APPBP2: variants seen among roughly 807,000 people sequenced by gnomAD.
The protein encoded by APPBP2 is amyloid protein-binding protein 2.
A neutral mutation model predicts 76.0 loss-of-function variants in APPBP2; 15 were observed. That is an observed-to-expected ratio of 0.20 (90% CI 0.13 to 0.30). The LOEUF (loss-of-function observed/expected upper bound fraction) is 0.30, where lower values mean the gene tolerates loss of function less well. Among genes scored for constraint, APPBP2 ranks in the 10% least tolerant of loss-of-function variants. APPBP2 has a pLI of 1.00. For synonymous variants in APPBP2, 222 were observed against 242.2 expected, an observed-to-expected ratio of 0.92 and a Z score of 0.77; for missense variants, 401 against 687.2, an observed-to-expected ratio of 0.58 and a Z score of 4.66.
At chr17:60,494,357 C>T in intron 3 of APPBP2, 109 bp downstream of exon 3, 1 of 1,236,100 alleles carries the variant, frequency 8.1e-7, no homozygotes, top group Non-Finnish European at 1.1e-6. Flanking sequence ...ATGTTCTTCT[C>T]ATAACCTTCT....
chr17:60,510,924 C>T (rs1316450736), intron 1 of APPBP2, among the ~76,000 whole-genome samples: 1 of 150,638 alleles, frequency 6.6e-6, no homozygotes, highest in African/African-American at 2.5e-5. Context: ...GTCACTAGGT[C>T]AATCATCCAT....
chr17:60,489,255 C>A (rs2090706640), intron 3 of APPBP2, among the ~76,000 whole-genome samples: 1 of 150,538 alleles, frequency 6.6e-6, no homozygotes, highest in African/African-American at 2.4e-5. Context: ...GGGTCCTTTT[C>A]AAAAAAATAT....
At chr17:60,462,231 T>C (rs910452974) in intron 6 of APPBP2, 170 bp from the exon 7 acceptor site, 1 of 614,240 alleles carries the variant, frequency 1.6e-6, no homozygotes, top group African/African-American at 1.9e-5. Flanking sequence ...AAAAATTCTA[T>C]TATAAACAGA....
chr17:60,454,311 T>C lies in APPBP2; in HGVS notation c.1329A>G (p.Arg443=). The C allele has an allele frequency of 3.9e-6, 6 of 1,557,932 alleles. No homozygotes were observed. Among genetic ancestry groups the C allele is most frequent in the Non-Finnish European group, 3.5e-6 (4 of 1,155,518 alleles). The part of the protein sequence containing the change: ...GNLGRLYQSM[R]KFKEAEEMHI... ...AAAAACATGTTTCTACCTTAAATTT[T>C]CTCATTGACTGATAAAGTCTTCCAA... Residue 443 remains arginine, a synonymous_variant, in exon 11 of 13, where the codon AGA becomes AGG. Coordinates refer to ENST00000083182, the MANE Select transcript of APPBP2 (RefSeq NM_006380.5).
Position 60,443,973 on chromosome 17 carries a change from A to T in APPBP2, c.*3608T>A, listed in dbSNP as rs1212786746. 1 of 152,310 alleles carries T rather than the reference A, an allele frequency of 6.6e-6. No individual in the cohort carries two copies. Among genetic ancestry groups the T allele is most frequent in the Non-Finnish European group, 1.5e-5 (1 of 67,998 alleles). 9.4% of individuals were successfully genotyped at this position (152,310 alleles called of 1,614,324 possible). A position where few individuals can be genotyped will look rare whatever the true frequency, so the allele number is the denominator to read the frequency against. ...TCCAAATGTCATATTAACAACAAAAAATTTCCTAGCCAGGCGTGGTGGCAG... is the reference window on the plus strand; with the variant it reads ...TCCAAATGTCATATTAACAACAAAATATTTCCTAGCCAGGCGTGGTGGCAG... On this transcript the variant is annotated 3_prime_UTR_variant, in exon 13 of 13. Transcript: ENST00000083182.
chr17:60,523,834 T>C (rs900035403), intron 1 of APPBP2, among the ~76,000 whole-genome samples: 5 of 152,156 alleles, frequency 3.3e-5, no homozygotes, highest in African/African-American at 1.2e-4. Flanking sequence ...GATATCTAAG[T>C]AAAAGAGCAA....
intron 10 of APPBP2, 57 bp from the exon 11 acceptor site, chr17:60,454,549 G>T: frequency 8.7e-7 from 1 of 1,149,078 alleles, no homozygotes; most frequent in Non-Finnish European, 1.2e-6. Context: ...AAGCTAGTAA[G>T]AACATCTAAT....
At chr17:60,495,431 A>T (rs1465343105) in intron 2 of APPBP2, among the ~76,000 whole-genome samples, 2 of 123,436 alleles carry the variant, frequency 1.6e-5, no homozygotes, top group African/African-American at 8.8e-5. Flanking sequence ...AAAATATTTT[A>T]TTTATTTATT....
Position 60,446,834 on chromosome 17 carries a change from T to C in APPBP2, c.*747A>G, listed in dbSNP as rs888709494. ...AATAATCTAAAGCCTCTGGTCCAAG[T>C]AACCACCTTCTACATTAGGCTGGTC... On this transcript the variant is annotated 3_prime_UTR_variant, in exon 13 of 13. Transcript: ENST00000083182. 1 of 152,292 alleles carries C rather than the reference T, an allele frequency of 6.6e-6. No homozygotes were observed. The highest frequency in any genetic ancestry group is 2.4e-5 in the African/African-American group (1 of 41,556). The allele number at this position is 152,292 out of a possible 1,614,324, so 9.4% of individuals were successfully genotyped here.
intron 2 of APPBP2, among the ~76,000 whole-genome samples, chr17:60,499,332 C>CAA (rs879508554): frequency 0.011 from 1,366 of 127,014 alleles, 15 homozygotes; most frequent in African/African-American, 0.035. Flanking sequence ...GACTGTGTCT[C>CAA]AAAAAAAAAA....
intron 3 of APPBP2, among the ~76,000 whole-genome samples, chr17:60,487,090 T>TG (rs2090685662): frequency 6.6e-6 from 1 of 152,220 alleles, no homozygotes; most frequent in South Asian, 2.1e-4. Context: ...GTTCCCTTTG[T>TG]GGGTAACCTG....
intron 1 of APPBP2, 87 bp downstream of exon 1, chr17:60,525,707 G>A (rs2091047925): frequency 6.9e-6 from 11 of 1,585,808 alleles, no homozygotes; most frequent in South Asian, 5.8e-5. Flanking sequence ...GGGGTGAGGG[G>A]TTAACTGCGG....
chr17:60,498,025 A>G (rs1482287103), intron 2 of APPBP2, among the ~76,000 whole-genome samples: 2 of 151,934 alleles, frequency 1.3e-5, no homozygotes, highest in African/African-American at 4.8e-5. Context: ...CTGTATTCCC[A>G]GCTACTTGGG....
chr17:60,489,159 T>A (rs1271183464), intron 3 of APPBP2, among the ~76,000 whole-genome samples: 1 of 150,028 alleles, frequency 6.7e-6, no homozygotes, highest in Non-Finnish European at 1.5e-5. Context: ...GAGGAGGAGG[T>A]TGCAGTGAGC....
At chr17:60,450,917 G>A (rs1267682380) in intron 12 of APPBP2, among the ~76,000 whole-genome samples, 1 of 152,110 alleles carries the variant, frequency 6.6e-6, no homozygotes, top group Non-Finnish European at 1.5e-5. Flanking sequence ...ATCATATAAA[G>A]AACTTCTATA....
At chr17:60,495,427 TTTTATTTATTTATTA>T (rs1423746062) in intron 2 of APPBP2, among the ~76,000 whole-genome samples, 1 of 129,404 alleles carries the variant, frequency 7.7e-6, no homozygotes, top group Non-Finnish European at 1.5e-5. Context: ...TTTAAAAATA[TTTTATTTATTTATTA>T]TTTATTTATT....
chr17:60,476,766 A>G (rs2090594091), intron 4 of APPBP2, among the ~76,000 whole-genome samples: 1 of 152,138 alleles, frequency 6.6e-6, no homozygotes, highest in Admixed American at 6.6e-5. Flanking sequence ...TTTATTTTAA[A>G]ATTTTTTATA....
chr17:60,466,250 G>A (rs1239241720), intron 5 of APPBP2, 41 bp downstream of exon 5: 1 of 1,562,666 alleles, frequency 6.4e-7, no homozygotes. Flanking sequence ...GTTTTTATAG[G>A]TACTTATTGG....
intron 3 of APPBP2, among the ~76,000 whole-genome samples, chr17:60,484,668 A>C (rs939783705): frequency 6.6e-6 from 1 of 152,178 alleles, no homozygotes; most frequent in Non-Finnish European, 1.5e-5. Context: ...TGTCATCTGC[A>C]AACAGGGACA....
Sources: allele counts gnomAD v4.1 joint callset (sites outside exome capture counted in the v4.1 genomes callset), GRCh38; gene constraint gnomAD v4.1.1; transcripts MANE v1.5; gene names NCBI Gene and HGNC (gene_info 2026-07-23, HGNC 2026-07-21).